KLF7: variants seen among roughly 807,000 people sequenced by gnomAD.
The protein encoded by KLF7 is KLF transcription factor 7.
KLF7 carries 2 observed loss-of-function variants against 27.3 expected under a neutral mutation model. The ratio of observed to expected loss-of-function variants is 0.07; its 90% CI spans 0.03 to 0.23. The LOEUF is 0.23. KLF7 is among the 10% of genes least tolerant of loss of function. KLF7 has a pLI of 1.00. For missense variants in KLF7, 221 were observed against 394.1 expected, an observed-to-expected ratio of 0.56 and a Z score of 3.72; for synonymous variants, 165 against 162.4, an observed-to-expected ratio of 1.02 and a Z score of -0.12.
Position 207,088,588 on chromosome 2 carries a change from G to A in KLF7, c.734-7C>T. On this transcript the variant is annotated splice_region_variant and splice_polypyrimidine_tract_variant and intron_variant, in intron 2 of 3. Coordinates refer to ENST00000309446, the MANE Select transcript of KLF7 (RefSeq NM_003709.4). ...CACTTATAAGGCTTCTCACCTGCAAGAAGAGATGGAAGGACCGTGGTCAGC... is the reference window on the plus strand; with the variant it reads ...CACTTATAAGGCTTCTCACCTGCAAAAAGAGATGGAAGGACCGTGGTCAGC... 1.2e-6 allele frequency: 2 copies of A among 1,612,744 alleles called. No individual in the cohort carries two copies. The highest frequency in any genetic ancestry group is 1.7e-6 in the Non-Finnish European group (2 of 1,179,212).
intron 1 of KLF7, among the ~76,000 whole-genome samples, chr2:207,147,537 CT>C (rs2078127855): frequency 6.6e-6 from 1 of 152,026 alleles, no homozygotes; most frequent in African/African-American, 2.4e-5. Context: ...AGATAATTGG[CT>C]TTTCATTTTA....
chr2:207,152,810 G>A (rs374879677), intron 1 of KLF7, among the ~76,000 whole-genome samples: 3 of 152,094 alleles, frequency 2.0e-5, no homozygotes, highest in Non-Finnish European at 4.4e-5. Flanking sequence ...ATTTTGGAGC[G>A]GAAGGTGCCT....
At chr2:207,142,310 G>A (rs1187975498) in intron 1 of KLF7, among the ~76,000 whole-genome samples, 3 of 152,140 alleles carry the variant, frequency 2.0e-5, no homozygotes, top group African/African-American at 7.2e-5. Flanking sequence ...AAGATAAACA[G>A]GTGACACCTG....
intron 2 of KLF7, among the ~76,000 whole-genome samples, chr2:207,093,264 A>G (rs546178420): frequency 1.0e-3 from 156 of 152,334 alleles, no homozygotes; most frequent in African/African-American, 3.3e-3. Context: ...TAAAAGTTCC[A>G]ATGGTTTTCT....
chr2:207,160,294 A>T (rs1399710515), intron 1 of KLF7, among the ~76,000 whole-genome samples: 1 of 152,174 alleles, frequency 6.6e-6, no homozygotes, highest in Non-Finnish European at 1.5e-5. Flanking sequence ...GGACTACTGG[A>T]CAGAGGAAAT....
At chr2:207,136,125 C>T (rs980288145) in intron 1 of KLF7, among the ~76,000 whole-genome samples, 8 of 152,166 alleles carry the variant, frequency 5.3e-5, no homozygotes, top group Non-Finnish European at 8.8e-5. Flanking sequence ...CCCACACCAC[C>T]CCTTCCCTTT....
At chr2:207,120,656 C>T (rs772608308) in intron 2 of KLF7, among the ~76,000 whole-genome samples, 27 of 152,172 alleles carry the variant, frequency 1.8e-4, no homozygotes, top group Non-Finnish European at 3.2e-4. Flanking sequence ...ATCCAACCAG[C>T]GCCCATTTTT....
At chr2:207,096,108 T>C (rs1271669988) in intron 2 of KLF7, among the ~76,000 whole-genome samples, 2 of 152,146 alleles carry the variant, frequency 1.3e-5, no homozygotes, top group Non-Finnish European at 2.9e-5. Flanking sequence ...GTGTTCCCAT[T>C]TTTACATTCC....
chr2:207,152,600 G>A (rs561075057), intron 1 of KLF7, among the ~76,000 whole-genome samples: 3 of 152,136 alleles, frequency 2.0e-5, no homozygotes, highest in Non-Finnish European at 4.4e-5. Flanking sequence ...CCCAGATTTC[G>A]ATGATCTACA....
rs1479181467 is a variant in KLF7 at position 207,075,169 on chromosome 2, A to G, written c.*6044T>C. 1 of 152,188 alleles carries G rather than the reference A, an allele frequency of 6.6e-6. No individual in the cohort carries two copies. Among genetic ancestry groups the G allele is most frequent in the Non-Finnish European group, 1.5e-5 (1 of 68,042 alleles). 9.4% of individuals were successfully genotyped at this position (152,188 alleles called of 1,614,324 possible). On this transcript the variant is annotated 3_prime_UTR_variant, in exon 4 of 4. Coordinates refer to ENST00000309446, the MANE Select transcript of KLF7 (RefSeq NM_003709.4). ...ATGCGTCACATAACATTTTTTGCAT[A>G]GATATCTTACAATATACCAATTTAA...
At chr2:207,141,753 G>C (rs2077948732) in intron 1 of KLF7, among the ~76,000 whole-genome samples, 1 of 152,146 alleles carries the variant, frequency 6.6e-6, no homozygotes, top group African/African-American at 2.4e-5. Flanking sequence ...TCAAATGAAA[G>C]CAGAGGCAAA....
chr2:207,094,026 T>G (rs191273152), intron 2 of KLF7, among the ~76,000 whole-genome samples: 1 of 152,194 alleles, frequency 6.6e-6, no homozygotes, highest in Non-Finnish European at 1.5e-5. Flanking sequence ...CTGAGCAATA[T>G]CCCCTCTGGG....
chr2:207,088,183 T>A lies in KLF7; in HGVS notation c.857+275A>T, dbSNP rs570783777. On this transcript the variant is annotated intron_variant, in intron 3 of 3. Transcript: ENST00000309446. ...TATTATACTAAAGTTATCTGTCACA[T>A]CTTGTTGATACCGAGTGATTAACAC... 1.9e-4 allele frequency among the ~76,000 whole-genome samples: 29 copies of A among 152,358 alleles called. No individual in the cohort carries two copies. The East Asian group carries it at 5.4e-3, about 28-fold the overall frequency.
intron 2 of KLF7, among the ~76,000 whole-genome samples, chr2:207,101,650 T>G (rs2076768146): frequency 6.6e-6 from 1 of 152,132 alleles, no homozygotes; most frequent in South Asian, 2.1e-4. Flanking sequence ...CTCAAGAGAC[T>G]GACTCCCTTG....
chr2:207,115,253 G>C (rs1020270408), intron 2 of KLF7, among the ~76,000 whole-genome samples: 3 of 151,940 alleles, frequency 2.0e-5, no homozygotes, highest in Non-Finnish European at 2.9e-5. Context: ...TAAGGAACCA[G>C]CAATGGGGCA....
Position 207,080,757 on chromosome 2 carries a change from G to A in KLF7, c.*456C>T. On this transcript the variant is annotated 3_prime_UTR_variant, in exon 4 of 4. Coordinates refer to ENST00000309446, the MANE Select transcript of KLF7 (RefSeq NM_003709.4). ...AAAGAAACATTAGTGCTACACATAT[G>A]CAACTTTAAGATGCTGGATTCTCCT... 1 of 400,444 alleles carries A rather than the reference G, an allele frequency of 2.5e-6. No individual in the cohort carries two copies. The highest frequency in any genetic ancestry group is 3.6e-5 in the East Asian group (1 of 28,152). 24.8% of individuals were successfully genotyped at this position (400,444 alleles called of 1,614,324 possible). A position where few individuals can be genotyped will look rare whatever the true frequency, so the allele number is the denominator to read the frequency against.
intron 3 of KLF7, among the ~76,000 whole-genome samples, chr2:207,085,986 CAAAA>C (rs1162167373): frequency 9.1e-6 from 1 of 110,006 alleles, no homozygotes. Context: ...AAATGTTGGC[CAAAA>C]AAAAAAAAAA....
intron 1 of KLF7, among the ~76,000 whole-genome samples, chr2:207,140,139 G>A (rs556400953): frequency 1.3e-5 from 2 of 152,124 alleles, no homozygotes; most frequent in African/African-American, 4.8e-5. Flanking sequence ...CGCCCACCTC[G>A]GCCTCCCAAA....
At chr2:207,156,259 C>T (rs1190171379) in intron 1 of KLF7, among the ~76,000 whole-genome samples, 1 of 152,228 alleles carries the variant, frequency 6.6e-6, no homozygotes, top group Admixed American at 6.5e-5. Flanking sequence ...CGCCCACAGT[C>T]ATTACCACAG....
Sources: allele counts gnomAD v4.1 joint callset (sites outside exome capture counted in the v4.1 genomes callset), GRCh38; gene constraint gnomAD v4.1.1; transcripts MANE v1.5; gene names NCBI Gene and HGNC (gene_info 2026-07-23, HGNC 2026-07-21).